Variants in PPP1R21 observed in about 807,000 individuals in gnomAD.
PPP1R21 encodes protein phosphatase 1 regulatory subunit 21, also known as KLRAQ motif containing 1.
In PPP1R21, 85 loss-of-function variants were observed where a neutral mutation model predicts 112.8. The ratio of observed to expected loss-of-function variants is 0.75; its 90% confidence interval spans 0.63 to 0.90. The LOEUF (loss-of-function observed/expected upper bound fraction) is 0.90. Among genes scored for constraint, PPP1R21 ranks in the 40% least tolerant of loss-of-function variants. The pLI is 0.00. For synonymous variants in PPP1R21, 381 were observed against 322.3 expected, an observed-to-expected ratio of 1.18 and a Z score of -1.95; for missense variants, 1,199 against 901.5, an observed-to-expected ratio of 1.33 and a Z score of -4.23.
intron 14 of PPP1R21, among the ~76,000 whole-genome samples, chr2:48,487,991 T>C (rs979944966): frequency 6.6e-6 from 1 of 152,184 alleles, no homozygotes; most frequent in African/African-American, 2.4e-5. Context: ...TCTCTGTGTC[T>C]GTCTTTATAT....
At chr2:48,487,752 C>A (rs990629127) in intron 14 of PPP1R21, among the ~76,000 whole-genome samples, 2 of 149,068 alleles carry the variant, frequency 1.3e-5, no homozygotes, top group Non-Finnish European at 1.5e-5. Flanking sequence ...CAGAGCAAGA[C>A]CCTATCTCAA....
intron 1 of PPP1R21, among the ~76,000 whole-genome samples, chr2:48,444,938 A>G (rs780126955): frequency 6.6e-6 from 1 of 151,732 alleles, no homozygotes; most frequent in Non-Finnish European, 1.5e-5. Context: ...TTACTTTGCA[A>G]TTGATGCTTC....
intron 18 of PPP1R21, among the ~76,000 whole-genome samples, chr2:48,506,917 G>A (rs946300128): frequency 4.8e-5 from 7 of 144,440 alleles, no homozygotes; most frequent in African/African-American, 1.8e-4. Context: ...CTGCACTCCA[G>A]CCTGGTGACG....
rs745866100 is a variant in PPP1R21, at chr2:48,469,261, T to TTG, written c.898-1792_898-1791dup. On this transcript the variant is annotated intron_variant, in intron 9 of 21. Transcript: ENST00000294952. ...GCCAAACCATATCAATATATTTGAA[T>TTG]TGTGTGTGTGTGTGTGTGTGTGTGT... is the stretch of plus-strand genomic sequence containing the variant. 4.8e-3 allele frequency among the ~76,000 whole-genome samples: 221 copies of TTG among 46,230 alleles called. 2 individuals are homozygous for TTG. Among genetic ancestry groups the TTG allele is most frequent in the East Asian group, 9.7e-3 (21 of 2,156 alleles). 30.3% of individuals were successfully genotyped at this position (46,230 alleles called of 152,430 possible). A position where few individuals can be genotyped will look rare whatever the true frequency, so the allele number is the denominator to read the frequency against.
intron 14 of PPP1R21, among the ~76,000 whole-genome samples, chr2:48,489,774 G>C (rs1464654835): frequency 6.6e-6 from 1 of 152,114 alleles, no homozygotes; most frequent in Middle Eastern, 3.4e-3. Context: ...GGCTGGGTGT[G>C]GTGGCTCACG....
chr2:48,445,559 A>T (rs145689490), intron 1 of PPP1R21, among the ~76,000 whole-genome samples: 1 of 152,284 alleles, frequency 6.6e-6, no homozygotes, highest in East Asian at 1.9e-4. Flanking sequence ...AAACTATTGC[A>T]GCTGTCCAAA....
chr2:48,507,277 T>C lies in PPP1R21; in HGVS notation c.1977T>C (p.Asp659=), dbSNP rs751992647. 12 of 1,552,864 alleles carry C rather than the reference T, an allele frequency of 7.7e-6. No individual in the cohort carries two copies. ...ATTTGTGTTCTATTTAGGTTCCAGATGTGGAATCTCGTGAAGACTTAATTA... is the reference window on the plus strand; with the variant it reads ...ATTTGTGTTCTATTTAGGTTCCAGACGTGGAATCTCGTGAAGACTTAATTA... The part of the protein sequence containing the change: ...LTRTSDSEVP[D]VESREDLIKN... The change falls in exon 19 of 22, where the codon GAT becomes GAC. Residue 659 remains aspartate (D), a synonymous_variant. Transcript: ENST00000294952.
chr2:48,497,649 C>T (rs148157333), intron 16 of PPP1R21, among the ~76,000 whole-genome samples: 9 of 148,460 alleles, frequency 6.1e-5, no homozygotes, highest in Non-Finnish European at 1.2e-4. Context: ...ACCTATAGTT[C>T]TATTTTTTTT....
intron 1 of PPP1R21, among the ~76,000 whole-genome samples, chr2:48,449,762 ATT>A (rs879865200): frequency 9.6e-5 from 14 of 146,402 alleles, no homozygotes; most frequent in African/African-American, 2.2e-4. Context: ...TTAGAAATAG[ATT>A]TTTTTTTTTT....
At chr2:48,495,425 A>C (rs1669790008) in intron 15 of PPP1R21, among the ~76,000 whole-genome samples, 1 of 152,118 alleles carries the variant, frequency 6.6e-6, no homozygotes. Context: ...GCTGGTCTTG[A>C]ATTCCTGACC....
Position 48,507,287 on chromosome 2 carries a change from C to A in PPP1R21, c.1987C>A (p.Arg663Ser). 6.4e-7 allele frequency: 1 copy of A among 1,562,036 alleles called. No individual in the cohort carries two copies. The highest frequency in any genetic ancestry group is 8.6e-7 in the Non-Finnish European group (1 of 1,160,934). Residue 663 changes from arginine to serine, a missense_variant, in exon 19 of 22, where the codon CGT becomes AGT. Physicochemically the swap from Arg to Ser is moderately radical, Grantham distance 110. Transcript: ENST00000294952. ...TATTTAGGTTCCAGATGTGGAATCT[C>A]GTGAAGACTTAATTAAAAATCACTA... is the stretch of plus-strand genomic sequence containing the variant. ...SDSEVPDVES[R>S]EDLIKNHYMA...
At chr2:48,466,427 A>G (rs954069680) in intron 9 of PPP1R21, among the ~76,000 whole-genome samples, 4 of 150,822 alleles carry the variant, frequency 2.7e-5, no homozygotes, top group African/African-American at 9.8e-5. Context: ...GGGTTTCGCC[A>G]TGTTGGCCAG....
intron 9 of PPP1R21, among the ~76,000 whole-genome samples, chr2:48,469,533 T>TAGAGAG (rs1412522411): frequency 1.5e-5 from 1 of 65,854 alleles, no homozygotes; most frequent in Non-Finnish European, 3.0e-5. Context: ...TATATATATA[T>TAGAGAG]ATAGAGCATA....
At chr2:48,455,643 C>G (rs1427818926) in intron 3 of PPP1R21, among the ~76,000 whole-genome samples, 1 of 152,112 alleles carries the variant, frequency 6.6e-6, no homozygotes, top group East Asian at 1.9e-4. Context: ...TTTTTGACAT[C>G]TTTTGGTTAT....
chr2:48,455,295 T>C (rs182877932), intron 3 of PPP1R21, among the ~76,000 whole-genome samples: 228 of 152,134 alleles, frequency 1.5e-3, no homozygotes, highest in African/African-American at 5.2e-3. Context: ...TGCGGGCATG[T>C]GGCACTCCCA....
At chr2:48,504,900 C>T (rs1304014780) in intron 17 of PPP1R21, among the ~76,000 whole-genome samples, 9 of 151,954 alleles carry the variant, frequency 5.9e-5, no homozygotes, top group Admixed American at 5.2e-4. Context: ...AGGCTGGAGA[C>T]GGAGGATCTC....
rs374456530 is a variant in PPP1R21, at chr2:48,480,058, A to G, written c.1318+42A>G. 6.5e-5 allele frequency: 84 copies of G among 1,286,416 alleles called. No homozygotes were observed. The African/African-American group carries it at 7.3e-4, about 11-fold the overall frequency. The allele number at this position is 1,286,416 out of a possible 1,614,324, so 79.7% of individuals were successfully genotyped here. A position where few individuals can be genotyped will look rare whatever the true frequency, so the allele number is the denominator to read the frequency against. Reference sequence around the variant, plus strand: ...AACGTAAGCTTAAAACCTTTGCCCCACTTTCTTCGATCTGCCTGAATAAGA... The same window carrying G: ...AACGTAAGCTTAAAACCTTTGCCCCGCTTTCTTCGATCTGCCTGAATAAGA... On this transcript the variant is annotated intron_variant, in intron 13 of 21. Coordinates refer to ENST00000294952, the MANE Select transcript of PPP1R21 (RefSeq NM_001135629.3).
intron 2 of PPP1R21, among the ~76,000 whole-genome samples, chr2:48,451,486 A>G (rs760888226): frequency 3.3e-5 from 5 of 152,326 alleles, no homozygotes; most frequent in African/African-American, 4.8e-5. Flanking sequence ...CATTGTGTGA[A>G]TCATTTAGTC....
chr2:48,475,575 C>T (rs1016794526), intron 12 of PPP1R21, among the ~76,000 whole-genome samples: 13 of 151,106 alleles, frequency 8.6e-5, no homozygotes, highest in Non-Finnish European at 1.2e-4. Context: ...GGGCCGGGCG[C>T]GGTGGCTCAT....
Sources: gnomAD v4.1 joint callset for allele counts (sites outside exome capture counted in the v4.1 genomes callset) on GRCh38, gnomAD v4.1.1 for gene constraint, MANE v1.5 for transcripts, NCBI Gene and HGNC (gene_info 2026-07-23, HGNC 2026-07-21) for gene names.